EPHA5: variants seen among roughly 807,000 people sequenced by gnomAD.
EPHA5 encodes the protein ephrin type-A receptor 5.
A neutral mutation model predicts 105.0 loss-of-function variants in EPHA5; 60 were observed. That is an observed-to-expected ratio of 0.57 (90% CI 0.46 to 0.71). EPHA5 has a LOEUF of 0.71. Among genes scored for constraint, EPHA5 ranks in the 30% least tolerant of loss-of-function variants. EPHA5 has a pLI of 0.00. For synonymous variants in EPHA5, 513 were observed against 449.1 expected, an observed-to-expected ratio of 1.14 and a Z score of -1.80; for missense variants, 1,218 against 1,274.7, an observed-to-expected ratio of 0.96 and a Z score of 0.68.
chr4:65,668,749 G>T (rs1750182909), intron 1 of EPHA5, among the ~76,000 whole-genome samples: 1 of 151,996 alleles, frequency 6.6e-6, no homozygotes, highest in Non-Finnish European at 1.5e-5. Context: ...AGGGGGACTG[G>T]GTACTCCTGG....
intron 9 of EPHA5, among the ~76,000 whole-genome samples, chr4:65,366,861 A>C (rs1333177361): frequency 2.0e-5 from 3 of 151,976 alleles, no homozygotes; most frequent in African/African-American, 7.2e-5. Flanking sequence ...TCTTTATTAA[A>C]ACATGATTTT....
chr4:65,379,693 T>A (rs1719367685), intron 8 of EPHA5, among the ~76,000 whole-genome samples: 1 of 151,722 alleles, frequency 6.6e-6, no homozygotes, highest in South Asian at 2.1e-4. Context: ...TCAGAGTAAT[T>A]TATATTTTTC....
chr4:65,377,160 C>A, intron 8 of EPHA5: 4 of 1,203,950 alleles, frequency 3.3e-6, no homozygotes, highest in Non-Finnish European at 4.4e-6. Context: ...GTCTGCTTTC[C>A]TTTTCAAAAT....
chr4:65,472,686 G>A (rs1729407507), intron 5 of EPHA5, among the ~76,000 whole-genome samples: 1 of 152,178 alleles, frequency 6.6e-6, no homozygotes, highest in Non-Finnish European at 1.5e-5. Flanking sequence ...CTGGGACATA[G>A]GACACCAAGT....
intron 14 of EPHA5, among the ~76,000 whole-genome samples, chr4:65,344,022 A>G (rs916292674): frequency 2.0e-5 from 3 of 152,194 alleles, no homozygotes; most frequent in Non-Finnish European, 2.9e-5. Flanking sequence ...CAAAGAAAGT[A>G]CTATGAGAGT....
At position 65,669,640 on chromosome 4, in the gene EPHA5, G is replaced by A. The variant is rs2149571369; in HGVS notation, c.103C>T (p.Pro35Ser). The A allele has an allele frequency of 1.4e-6, 2 of 1,406,542 alleles. No individual in the cohort carries two copies. The highest frequency in any genetic ancestry group is 1.9e-6 in the Non-Finnish European group (2 of 1,074,288). 87.1% of individuals were successfully genotyped at this position (1,406,542 alleles called of 1,614,324 possible). A position where few individuals can be genotyped will look rare whatever the true frequency, so the allele number is the denominator to read the frequency against. The change falls in exon 1 of 17, where the codon CCT (proline) becomes TCT (serine). Residue 35 changes from proline to serine, a missense_variant. Physicochemically the swap from Pro to Ser is moderately conservative, Grantham distance 74 (BLOSUM62 -1). Coordinates refer to ENST00000613740, the MANE Select transcript of EPHA5 (RefSeq NM_001281766.3). ...PASLAGCYSA[P>S]RRAPLWTCLL... is the part of the protein sequence containing the mutation. ...CACGTCCAGAGGGGAGCCCGTCGAG[G>A]TGCAGAGTAGCAGCCGGCCAGGGAC...
In EPHA5 at chr4:65,669,886, T is replaced by C. The variant is rs1750317496; in HGVS notation, c.-144A>G. ...TTCTGGCACGCGGCTCCTCCAAATG[T>C]AGGAACCACGGATCCGGCTGAGACA... is the stretch of plus-strand genomic sequence containing the variant. On this transcript the variant is annotated 5_prime_UTR_variant, in exon 1 of 17. Transcript: ENST00000613740. 8.5e-7 allele frequency: 1 copy of C among 1,172,074 alleles called. No homozygotes were observed. Among genetic ancestry groups the C allele is most frequent in the African/African-American group, 1.6e-5 (1 of 63,398 alleles). 72.6% of individuals were successfully genotyped at this position (1,172,074 alleles called of 1,614,324 possible).
chr4:65,394,457 G>A (rs766467112), intron 8 of EPHA5, among the ~76,000 whole-genome samples: 4 of 152,122 alleles, frequency 2.6e-5, no homozygotes, highest in Non-Finnish European at 4.4e-5. Context: ...GAGGAAAAAA[G>A]TCACAGATAA....
chr4:65,625,511 T>C (rs1560789071), intron 2 of EPHA5, among the ~76,000 whole-genome samples: 1 of 152,146 alleles, frequency 6.6e-6, no homozygotes, highest in Non-Finnish European at 1.5e-5. Context: ...GAATAAGATA[T>C]CAAACATTTA....
intron 1 of EPHA5, among the ~76,000 whole-genome samples, chr4:65,664,843 C>T (rs977684415): frequency 1.4e-4 from 22 of 151,742 alleles, no homozygotes; most frequent in East Asian, 5.8e-4. Context: ...GCAAATACTA[C>T]GATCAATTTT....
chr4:65,425,992 G>T (rs185045603), intron 5 of EPHA5, among the ~76,000 whole-genome samples: 1 of 152,022 alleles, frequency 6.6e-6, no homozygotes, highest in Non-Finnish European at 1.5e-5. Flanking sequence ...ATGTATAACC[G>T]CGTCCACCCT....
At chr4:65,517,715 A>G (rs568164173) in intron 3 of EPHA5, among the ~76,000 whole-genome samples, 34 of 151,942 alleles carry the variant, frequency 2.2e-4, no homozygotes, top group African/African-American at 7.0e-4. Context: ...CTGATATGTT[A>G]TTCTTCAGGT....
At chr4:65,661,394 A>T (rs1428545277) in intron 1 of EPHA5, among the ~76,000 whole-genome samples, 2 of 152,110 alleles carry the variant, frequency 1.3e-5, no homozygotes, top group Non-Finnish European at 2.9e-5. Flanking sequence ...TGTTGTTGTT[A>T]TTGTTGCCTT....
intron 11 of EPHA5, among the ~76,000 whole-genome samples, chr4:65,364,011 T>C (rs2148885551): frequency 6.6e-6 from 1 of 151,684 alleles, no homozygotes; most frequent in South Asian, 2.1e-4. Flanking sequence ...TGCCTTTCTT[T>C]AGCAATTTAC....
rs550760562 is a variant in EPHA5, at chr4:65,428,794, GAAATCATACACTTT to G, written c.1403-8243_1403-8230del. On this transcript the variant is annotated intron_variant, in intron 5 of 16. Coordinates refer to ENST00000613740, the MANE Select transcript of EPHA5 (RefSeq NM_001281766.3). ...TCTGGTGTGATTACAGTTCATAGTT[GAAATCATACACTTT>G]AAATATTGTTTTGAAGTCACATTCA... Among the ~76,000 whole-genome samples, 33 of 152,052 alleles carry G rather than the reference GAAATCATACACTTT, an allele frequency of 2.2e-4. No homozygotes were observed. In the South Asian group the frequency reaches 5.8e-3, roughly 27 times the overall value.
At chr4:65,618,440 ATAGT>A (rs1287925774) in intron 2 of EPHA5, among the ~76,000 whole-genome samples, 3 of 152,196 alleles carry the variant, frequency 2.0e-5, no homozygotes, top group Admixed American at 6.5e-5. Context: ...CTCTATATTC[ATAGT>A]TAAATTTCTG....
intron 5 of EPHA5, among the ~76,000 whole-genome samples, chr4:65,476,068 G>T (rs1350134815): frequency 6.6e-6 from 1 of 150,452 alleles, no homozygotes; most frequent in Non-Finnish European, 1.5e-5. Context: ...TTTTCAGAAT[G>T]TCAGACAAAC....
At chr4:65,335,124 C>T (rs17082115) in intron 15 of EPHA5, among the ~76,000 whole-genome samples, 86,106 of 151,750 alleles carry the variant, frequency 0.57, 26,724 homozygotes, top group South Asian at 0.71. Context: ...TTAGTCCATG[C>T]TAATAGGCAG....
chr4:65,484,827 TAAAG>T (rs749911116), intron 5 of EPHA5, among the ~76,000 whole-genome samples: 2 of 151,918 alleles, frequency 1.3e-5, no homozygotes, highest in Non-Finnish European at 2.9e-5. Context: ...TGTAAAAAGA[TAAAG>T]AAATTTCAGA....
Sources: gnomAD v4.1 joint callset for allele counts (sites outside exome capture counted in the v4.1 genomes callset) on GRCh38, gnomAD v4.1.1 for gene constraint, MANE v1.5 for transcripts, NCBI Gene and HGNC (gene_info 2026-07-23, HGNC 2026-07-21) for gene names.